The following HOOK3 variants were observed in gnomAD, a reference collection of about 807,000 sequenced individuals.
The protein encoded by HOOK3 is protein Hook homolog 3.
HOOK3 carries 24 observed loss-of-function variants against 116.3 expected under a neutral mutation model. That is an observed-to-expected ratio of 0.21 (90% CI 0.15 to 0.29). HOOK3 has a LOEUF of 0.29. HOOK3 is among the 10% of genes least tolerant of loss of function. The pLI is 1.00. For missense variants in HOOK3, 632 were observed against 830.2 expected, an observed-to-expected ratio of 0.76 and a Z score of 2.93; for synonymous variants, 275 against 283.0, an observed-to-expected ratio of 0.97 and a Z score of 0.28.
chr8:42,939,107 T>C (rs1428125019), intron 4 of HOOK3, among the ~76,000 whole-genome samples: 1 of 152,204 alleles, frequency 6.6e-6, no homozygotes, highest in African/African-American at 2.4e-5. Flanking sequence ...AAGTCTCCCA[T>C]GTCTACCTCT....
intron 17 of HOOK3, 140 bp downstream of exon 17, chr8:43,002,281 G>GA: frequency 3.5e-6 from 2 of 569,002 alleles, no homozygotes; most frequent in Non-Finnish European, 6.4e-6. Context: ...ATGAGAGTCT[G>GA]AAGGGTCACT....
At chr8:43,006,952 GTTAA>G (rs1157220120) in intron 17 of HOOK3, among the ~76,000 whole-genome samples, 2 of 144,226 alleles carry the variant, frequency 1.4e-5, no homozygotes, top group Non-Finnish European at 3.0e-5. Flanking sequence ...CTCACTTTCA[GTTAA>G]TTATTTAAAT....
At chr8:43,004,590 A>T (rs1313611074) in intron 17 of HOOK3, among the ~76,000 whole-genome samples, 1 of 148,356 alleles carries the variant, frequency 6.7e-6, no homozygotes, top group African/African-American at 2.5e-5. Flanking sequence ...CTGAGGCAGG[A>T]TAATTGCTTG....
At position 43,023,625 on chromosome 8, in the gene HOOK3, G is replaced by A. The variant is rs117089069; in HGVS notation, c.*5127G>A. The A allele has an allele frequency of 1.9e-4, 32 of 172,252 alleles. No homozygotes were observed. Among genetic ancestry groups the A allele is most frequent in the Admixed American group, 3.2e-4 (5 of 15,660 alleles). The allele number at this position is 172,252 out of a possible 1,614,324, so 10.7% of individuals were successfully genotyped here. A position where few individuals can be genotyped will look rare whatever the true frequency, so the allele number is the denominator to read the frequency against. On this transcript the variant is annotated 3_prime_UTR_variant, in exon 22 of 22. Transcript: ENST00000307602. ...CTGCCACCACGCCCAGCTAATTTTTGTATTTTTACAAAATACAAAGAGACG... is the reference window on the plus strand; with the variant it reads ...CTGCCACCACGCCCAGCTAATTTTTATATTTTTACAAAATACAAAGAGACG...
chr8:43,000,209 G>T, intron 16 of HOOK3: 1 of 1,111,586 alleles, frequency 9.0e-7, no homozygotes, highest in Non-Finnish European at 1.2e-6. Context: ...GCTTCTCTTG[G>T]CTGCTGTGTT....
intron 4 of HOOK3, among the ~76,000 whole-genome samples, chr8:42,939,442 G>A (rs1808050383): frequency 6.7e-6 from 1 of 149,326 alleles, no homozygotes; most frequent in African/African-American, 2.5e-5. Context: ...GCCGGGCAGA[G>A]GGGCTCCTCA....
chr8:43,006,548 C>G (rs1395723426), intron 17 of HOOK3, among the ~76,000 whole-genome samples: 1 of 152,114 alleles, frequency 6.6e-6, no homozygotes, highest in Non-Finnish European at 1.5e-5. Context: ...GTCTCGAACT[C>G]CTGAGCTCAG....
Position 43,027,575 on chromosome 8 carries a change from CT to C in HOOK3, c.*9084del. 9.0e-6 allele frequency: 2 copies of C among 223,224 alleles called. No individual in the cohort carries two copies. The highest frequency in any genetic ancestry group is 1.8e-5 in the Non-Finnish European group (2 of 109,040). The allele number at this position is 223,224 out of a possible 1,614,324, so 13.8% of individuals were successfully genotyped here. ...CCCTGGCCTTTGAGGGAAAGGACTG[CT>C]TTTTTTCTCTCCCAAATTAGAAAAT... is the stretch of plus-strand genomic sequence containing the variant. On this transcript the variant is annotated 3_prime_UTR_variant, in exon 22 of 22. Transcript: ENST00000307602.
chr8:42,925,818 G>A (rs189422317), intron 3 of HOOK3, among the ~76,000 whole-genome samples, 189 bp downstream of exon 3: 183 of 152,232 alleles, frequency 1.2e-3, no homozygotes, highest in African/African-American at 4.2e-3. Flanking sequence ...AGTCAGTAAC[G>A]CATAGCAACC....
At chr8:42,944,629 G>C (rs560313109) in intron 5 of HOOK3, among the ~76,000 whole-genome samples, 243 of 151,950 alleles carry the variant, frequency 1.6e-3, no homozygotes, top group African/African-American at 5.8e-3. Flanking sequence ...GACCAGCCTG[G>C]CCAAGATGGT....
intron 5 of HOOK3, among the ~76,000 whole-genome samples, chr8:42,945,606 A>G (rs969186420): frequency 2.6e-5 from 4 of 152,116 alleles, no homozygotes; most frequent in African/African-American, 9.7e-5. Flanking sequence ...CCACCACCCC[A>G]GCCTATATAT....
intron 4 of HOOK3, among the ~76,000 whole-genome samples, chr8:42,934,544 C>G (rs913797802): frequency 6.6e-6 from 1 of 151,900 alleles, no homozygotes; most frequent in African/African-American, 2.4e-5. Flanking sequence ...CCTCCCCTAG[C>G]CCCCCTCCCC....
At position 43,019,439 on chromosome 8, in the gene HOOK3, G is replaced by A. The variant is rs1404517115; in HGVS notation, c.*941G>A. ...GACTTATGCCCCATTTGTTTTACTT[G>A]TTCTTTAATATAAACCCTTCCATTT... On this transcript the variant is annotated 3_prime_UTR_variant, in exon 22 of 22. Transcript: ENST00000307602. 3 of 210,972 alleles carry A rather than the reference G, an allele frequency of 1.4e-5. No individual in the cohort carries two copies. The highest frequency in any genetic ancestry group is 2.3e-5 in the African/African-American group (1 of 44,114). The allele number at this position is 210,972 out of a possible 1,614,324, so 13.1% of individuals were successfully genotyped here.
At chr8:42,920,052 G>C (rs1235599450) in intron 2 of HOOK3, among the ~76,000 whole-genome samples, 1 of 152,062 alleles carries the variant, frequency 6.6e-6, no homozygotes, top group Non-Finnish European at 1.5e-5. Flanking sequence ...AGCTTAAGCT[G>C]TGAGTGGTAC....
Position 42,997,640 on chromosome 8 carries a change from A to G in HOOK3, c.1620+3A>G. 1.3e-6 allele frequency: 2 copies of G among 1,488,972 alleles called. No individual in the cohort carries two copies. Among genetic ancestry groups the G allele is most frequent in the Non-Finnish European group, 1.9e-6 (2 of 1,066,412 alleles). 92.2% of individuals were successfully genotyped at this position (1,488,972 alleles called of 1,614,324 possible). A position where few individuals can be genotyped will look rare whatever the true frequency, so the allele number is the denominator to read the frequency against. On this transcript the variant is annotated splice_donor_region_variant and intron_variant, in intron 16 of 21. Coordinates refer to ENST00000307602, the MANE Select transcript of HOOK3 (RefSeq NM_032410.4). ...ATCAAGGCTCAAAAGCAGAAGATGTAAGTTTTAATATGTACCAACGATGGT... is the reference window on the plus strand; with the variant it reads ...ATCAAGGCTCAAAAGCAGAAGATGTGAGTTTTAATATGTACCAACGATGGT...
intron 9 of HOOK3, among the ~76,000 whole-genome samples, chr8:42,964,993 TGCCGCAACTATAG>T (rs1305428438): frequency 6.6e-6 from 1 of 152,232 alleles, no homozygotes; most frequent in Admixed American, 6.5e-5. Context: ...GAAGGCAGAA[TGCCGCAACTATAG>T]GATACCTGAG....
At chr8:42,912,331 C>T (rs1807447443) in intron 2 of HOOK3, among the ~76,000 whole-genome samples, 1 of 151,946 alleles carries the variant, frequency 6.6e-6, no homozygotes, top group South Asian at 2.1e-4. Flanking sequence ...ATCTGATTTA[C>T]AGCCTTCAAA....
At chr8:43,011,438 T>G (rs1306257228) in intron 19 of HOOK3, among the ~76,000 whole-genome samples, 4 of 151,558 alleles carry the variant, frequency 2.6e-5, no homozygotes, top group Non-Finnish European at 5.9e-5. Context: ...GCCTCCCAAA[T>G]AAGTAACAGC....
intron 1 of HOOK3, among the ~76,000 whole-genome samples, chr8:42,901,554 ATC>A (rs775098172): frequency 2.6e-5 from 4 of 152,154 alleles, no homozygotes; most frequent in Non-Finnish European, 5.9e-5. Flanking sequence ...TTTCTTTAGG[ATC>A]TGTTTCACTT....
Sources: gnomAD v4.1 joint callset for allele counts (sites outside exome capture counted in the v4.1 genomes callset) on GRCh38, gnomAD v4.1.1 for gene constraint, MANE v1.5 for transcripts, NCBI Gene and HGNC (gene_info 2026-07-23, HGNC 2026-07-21) for gene names.